The following CLASP2 variants were observed in gnomAD, a reference collection of about 807,000 sequenced individuals.
The protein encoded by CLASP2 is cytoplasmic linker associated protein 2.
A neutral mutation model predicts 194.4 loss-of-function variants in CLASP2; 47 were observed. The ratio of observed to expected loss-of-function variants is 0.24; its 90% CI spans 0.19 to 0.31. CLASP2 has a LOEUF of 0.31. CLASP2 is among the 10% of genes least tolerant of loss of function. The probability of loss-of-function intolerance (pLI) is 1.00; values close to 1 mark genes in which losing one functional copy is unlikely to be tolerated. For missense variants in CLASP2, 1,445 were observed against 1,823.6 expected (o/e 0.79, Z 3.78); for synonymous variants, 619 against 633.5 (o/e 0.98, Z 0.34).
chr3:33,595,377 G>A (rs9311020), intron 19 of CLASP2, among the ~76,000 whole-genome samples: 46,498 of 151,888 alleles, frequency 0.31, 7,729 homozygotes, highest in Admixed American at 0.43. Context: ...GGTAGCCCAT[G>A]AAGGAATCAG....
chr3:33,700,349 C>T (rs1432868739), intron 1 of CLASP2, among the ~76,000 whole-genome samples: 1 of 151,990 alleles, frequency 6.6e-6, no homozygotes, highest in Non-Finnish European at 1.5e-5. Flanking sequence ...ATCATCTGAA[C>T]TTGGAAGGCA....
intron 29 of CLASP2, among the ~76,000 whole-genome samples, chr3:33,557,264 GTGC>G (rs1287100209): frequency 1.3e-5 from 2 of 152,196 alleles, no homozygotes; most frequent in African/African-American, 4.8e-5. Context: ...GTGAGCCACG[GTGC>G]CCAGCCTCAC....
intron 6 of CLASP2, among the ~76,000 whole-genome samples, chr3:33,664,327 T>G (rs2085814605): frequency 6.6e-6 from 1 of 152,156 alleles, no homozygotes; most frequent in Non-Finnish European, 1.5e-5. Context: ...GTGCTATGAT[T>G]CATTCTTAAA....
chr3:33,552,850 T>C (rs745729202), intron 29 of CLASP2, among the ~76,000 whole-genome samples: 1 of 152,266 alleles, frequency 6.6e-6, no homozygotes, highest in Non-Finnish European at 1.5e-5. Flanking sequence ...TTGACCTACA[T>C]CTCCCCATTC....
At position 33,498,176 on chromosome 3, in the gene CLASP2, G is replaced by GA. The variant is rs2046033239; in HGVS notation, c.*454dup. 6.5e-6 allele frequency: 1 copy of GA among 153,158 alleles called. No homozygotes were observed. Among genetic ancestry groups the GA allele is most frequent in the Admixed American group, 6.5e-5 (1 of 15,356 alleles). 9.5% of individuals were successfully genotyped at this position (153,158 alleles called of 1,614,324 possible). A position where few individuals can be genotyped will look rare whatever the true frequency, so the allele number is the denominator to read the frequency against. ...CATCATTTAAATATTTCTAGCATAGGACATGATACGAAACAAAACTCAAAG... is the reference window on the plus strand; with the variant it reads ...CATCATTTAAATATTTCTAGCATAGGAACATGATACGAAACAAAACTCAAAG... On this transcript the variant is annotated 3_prime_UTR_variant, in exon 39 of 39. Transcript: ENST00000682230.
chr3:33,537,777 C>A (rs1323299243), intron 33 of CLASP2, among the ~76,000 whole-genome samples: 3 of 152,010 alleles, frequency 2.0e-5, no homozygotes, highest in Non-Finnish European at 4.4e-5. Context: ...GCCGCATAAA[C>A]TGACAATGCA....
At chr3:33,539,951 C>G (rs2058058714) in intron 32 of CLASP2, among the ~76,000 whole-genome samples, 1 of 145,904 alleles carries the variant, frequency 6.9e-6, no homozygotes. Context: ...GAGTTTCACT[C>G]TTGTTGCCCA....
intron 13 of CLASP2, among the ~76,000 whole-genome samples, chr3:33,609,146 G>T (rs2074564166): frequency 6.6e-6 from 1 of 151,696 alleles, no homozygotes; most frequent in South Asian, 2.1e-4. Flanking sequence ...TGGGTATGGT[G>T]GTGTATGCCT....
At chr3:33,588,240 A>G (rs1181772686) in intron 21 of CLASP2, among the ~76,000 whole-genome samples, 1 of 152,150 alleles carries the variant, frequency 6.6e-6, no homozygotes, top group Non-Finnish European at 1.5e-5. Context: ...ATACTTGGAA[A>G]AAAATACCAA....
Position 33,689,823 on chromosome 3 carries a change from G to T in CLASP2, c.378+6C>A. 6.5e-7 allele frequency: 1 copy of T among 1,548,268 alleles called. No homozygotes were observed. The stretch of plus-strand genomic sequence containing the variant: ...GCAAAATCTGAATTTTAAAATGTAG[G>T]CTTACCATAGGTGGTGCTACTTGAT... On this transcript the variant is annotated splice_donor_region_variant and intron_variant, in intron 3 of 38. Transcript: ENST00000682230.
Position 33,620,917 on chromosome 3 carries a change from CAG to C in CLASP2, c.1182-1181_1182-1180del, listed in dbSNP as rs1335314483. ...CCAGGCATTCGTTCCCTTCCTTCCT[CAG>C]AGAGTTGTACCTTTTACATGGGCAG... On this transcript the variant is annotated intron_variant, in intron 11 of 38. Coordinates refer to ENST00000682230, the MANE Select transcript of CLASP2 (RefSeq NM_001365631.1). 2.6e-5 allele frequency among the ~76,000 whole-genome samples: 4 copies of C among 152,180 alleles called. No individual in the cohort carries two copies. The East Asian group carries it at 7.7e-4, about 29-fold the overall frequency.
At chr3:33,593,712 A>T (rs1291455519) in intron 20 of CLASP2, among the ~76,000 whole-genome samples, 1 of 152,220 alleles carries the variant, frequency 6.6e-6, no homozygotes, top group African/African-American at 2.4e-5. Context: ...AAAGTAAAAC[A>T]AAATGACCAA....
At chr3:33,612,418 C>A (rs141215654) in intron 12 of CLASP2, among the ~76,000 whole-genome samples, 4 of 152,140 alleles carry the variant, frequency 2.6e-5, no homozygotes, top group African/African-American at 9.7e-5. Flanking sequence ...ATGGCTACTG[C>A]TGGTAAAAAA....
chr3:33,672,280 G>C (rs62252760), intron 6 of CLASP2, among the ~76,000 whole-genome samples: 1 of 152,068 alleles, frequency 6.6e-6, no homozygotes, highest in African/African-American at 2.4e-5. Context: ...CAGCATTCGC[G>C]GTTCACGAAA....
At chr3:33,594,287 T>C (rs867888546) in intron 20 of CLASP2, among the ~76,000 whole-genome samples, 21 of 152,102 alleles carry the variant, frequency 1.4e-4, no homozygotes, top group Non-Finnish European at 2.9e-4. Flanking sequence ...ACGTAAAACT[T>C]AGAGGAAAAA....
intron 6 of CLASP2, among the ~76,000 whole-genome samples, chr3:33,665,482 G>A (rs1357278565): frequency 2.0e-5 from 3 of 152,110 alleles, no homozygotes; most frequent in Admixed American, 6.5e-5. Context: ...TGATTGCCTC[G>A]CAGCATTAAC....
At chr3:33,664,664 G>A (rs1459584132) in intron 6 of CLASP2, among the ~76,000 whole-genome samples, 2 of 152,068 alleles carry the variant, frequency 1.3e-5, no homozygotes, top group Admixed American at 6.5e-5. Context: ...TTTACATATA[G>A]AAAGCATTTC....
intron 30 of CLASP2, among the ~76,000 whole-genome samples, chr3:33,545,961 G>A (rs2059098435): frequency 1.3e-5 from 2 of 151,896 alleles, no homozygotes. Context: ...ACAAAGAAGT[G>A]TAAGTTGTGT....
chr3:33,584,668 CAA>C lies in CLASP2; in HGVS notation c.2239+80_2239+81del, dbSNP rs1456003645. ...TAATTTGTAAGTCCTAATTGTATTC[CAA>C]AGTCTTCAATGCTGCCAAAGCCTGA... is the stretch of plus-strand genomic sequence containing the variant. On this transcript the variant is annotated intron_variant, in intron 22 of 38. Transcript: ENST00000682230. The C allele has an allele frequency of 4.0e-6, 5 of 1,244,234 alleles. No individual in the cohort carries two copies. The East Asian group carries it at 1.2e-4, about 31-fold the overall frequency. 77.1% of individuals were successfully genotyped at this position (1,244,234 alleles called of 1,614,324 possible).
Sources: allele counts gnomAD v4.1 joint callset (sites outside exome capture counted in the v4.1 genomes callset), GRCh38; gene constraint gnomAD v4.1.1; transcripts MANE v1.5; gene names NCBI Gene and HGNC (gene_info 2026-07-23, HGNC 2026-07-21).